XXYLT1: variants seen among roughly 807,000 people sequenced by gnomAD.
XXYLT1 encodes UDP-xylose:alpha-xyloside alpha-1,3-xylosyltransferase.
In XXYLT1, 20 loss-of-function variants were observed where a neutral mutation model predicts 28.9. That is an observed-to-expected ratio of 0.69 (90% CI 0.49 to 1.00). The LOEUF (loss-of-function observed/expected upper bound fraction) is 1.00. Ranked by LOEUF, XXYLT1 falls within the 50% of genes least tolerant of loss-of-function variation. The pLI is 0.00. For synonymous variants in XXYLT1, 257 were observed against 253.8 expected, an observed-to-expected ratio of 1.01 and a Z score of -0.12; for missense variants, 542 against 560.1, an observed-to-expected ratio of 0.97 and a Z score of 0.33.
chr3:195,235,879 T>C (rs982408120), intron 1 of XXYLT1, among the ~76,000 whole-genome samples: 33 of 151,494 alleles, frequency 2.2e-4, no homozygotes, highest in African/African-American at 8.0e-4. Context: ...TCTCTCTATA[T>C]ATCTATAAAT....
intron 3 of XXYLT1, among the ~76,000 whole-genome samples, chr3:195,086,721 T>C (rs866733641): frequency 6.6e-6 from 1 of 151,792 alleles, no homozygotes; most frequent in African/African-American, 2.4e-5. Flanking sequence ...GAGGATGCTT[T>C]GGTGATGGGG....
chr3:195,142,214 G>C (rs528198783), intron 3 of XXYLT1, among the ~76,000 whole-genome samples: 18 of 152,314 alleles, frequency 1.2e-4, no homozygotes, highest in Non-Finnish European at 5.9e-5. Flanking sequence ...GGTCACACTT[G>C]TTGTCCTAGT....
intron 2 of XXYLT1, among the ~76,000 whole-genome samples, chr3:195,225,089 T>C (rs61422283): frequency 0.023 from 3,575 of 152,286 alleles, 115 homozygotes; most frequent in African/African-American, 0.076. Flanking sequence ...AAAGGCTGTA[T>C]AACCCTGGGC....
At chr3:195,234,183 C>T (rs558985630) in intron 1 of XXYLT1, among the ~76,000 whole-genome samples, 146 of 151,906 alleles carry the variant, frequency 9.6e-4, no homozygotes, top group African/African-American at 2.6e-3. Flanking sequence ...TCCCAAAGTG[C>T]TGGGATTACA....
intron 3 of XXYLT1, among the ~76,000 whole-genome samples, chr3:195,084,540 G>A (rs1022784969): frequency 9.9e-5 from 15 of 152,214 alleles, no homozygotes; most frequent in African/African-American, 3.6e-4. Flanking sequence ...CAGCCTCAGT[G>A]TAATGTATTT....
At chr3:195,174,091 C>A (rs1161875163) in intron 2 of XXYLT1, among the ~76,000 whole-genome samples, 1 of 152,190 alleles carries the variant, frequency 6.6e-6, no homozygotes, top group Non-Finnish European at 1.5e-5. Flanking sequence ...GGCTGTAGAT[C>A]ATTTCATTGG....
intron 1 of XXYLT1, among the ~76,000 whole-genome samples, chr3:195,246,060 C>T (rs1388971578): frequency 6.6e-6 from 1 of 152,258 alleles, no homozygotes; most frequent in Non-Finnish European, 1.5e-5. Context: ...ACCACACACA[C>T]ACCTGCTGAT....
At chr3:195,247,622 G>T in intron 1 of XXYLT1, 1 of 539,394 alleles carries the variant, frequency 1.9e-6, no homozygotes, top group Non-Finnish European at 3.3e-6. Flanking sequence ...AGCCCAAGGG[G>T]GAGAGCCATG....
rs1251855807 is a variant in XXYLT1 at position 195,173,032 on chromosome 3, C to T, written c.653-16451G>A. On this transcript the variant is annotated intron_variant, in intron 2 of 3. Coordinates refer to ENST00000310380, the MANE Select transcript of XXYLT1 (RefSeq NM_152531.5). The surrounding 1 kb of genome is among the most constrained non-coding windows in gnomAD (Gnocchi z 4.3). ...ATTAGAGAGGAGTGGTTTGGCAGCC[C>T]CCCGGGGCTGATCGACACCCCTACT... 6.6e-6 allele frequency among the ~76,000 whole-genome samples: 1 copy of T among 152,120 alleles called. No individual in the cohort carries two copies. Among genetic ancestry groups the T allele is most frequent in the African/African-American group, 2.4e-5 (1 of 41,426 alleles).
At chr3:195,185,862 C>A (rs1322410257) in intron 2 of XXYLT1, among the ~76,000 whole-genome samples, 1 of 152,176 alleles carries the variant, frequency 6.6e-6, no homozygotes, top group Non-Finnish European at 1.5e-5. Context: ...AGAGGCCTCT[C>A]CCTTCCCTTT....
chr3:195,199,231 C>G (rs6788143), intron 2 of XXYLT1, among the ~76,000 whole-genome samples: 1 of 151,996 alleles, frequency 6.6e-6, no homozygotes, highest in Non-Finnish European at 1.5e-5. Context: ...GCCACCGGCT[C>G]GAGGTTCCCA....
At chr3:195,229,267 G>A (rs544219851) in intron 1 of XXYLT1, among the ~76,000 whole-genome samples, 62 of 151,532 alleles carry the variant, frequency 4.1e-4, no homozygotes, top group African/African-American at 1.3e-3. Flanking sequence ...AATTTTTGTG[G>A]ATAGAGTATG....
At chr3:195,084,489 C>T (rs868168616) in intron 3 of XXYLT1, among the ~76,000 whole-genome samples, 3 of 152,186 alleles carry the variant, frequency 2.0e-5, no homozygotes, top group Admixed American at 6.5e-5. Flanking sequence ...CTCGCTAGGG[C>T]ACCACAAGAC....
chr3:195,231,123 T>C (rs1437516486), intron 1 of XXYLT1, among the ~76,000 whole-genome samples: 1 of 152,200 alleles, frequency 6.6e-6, no homozygotes, highest in Non-Finnish European at 1.5e-5. Flanking sequence ...GGTATTTTAT[T>C]TGTAGCAATT....
chr3:195,200,841 C>T (rs930579104), intron 2 of XXYLT1, among the ~76,000 whole-genome samples: 10 of 152,142 alleles, frequency 6.6e-5, no homozygotes, highest in East Asian at 1.9e-4. Context: ...CAGGAGCTCA[C>T]GGGTCCGCTG....
chr3:195,132,269 G>T (rs1045746588), intron 3 of XXYLT1, among the ~76,000 whole-genome samples: 2 of 152,116 alleles, frequency 1.3e-5, no homozygotes, highest in African/African-American at 4.8e-5. Flanking sequence ...ACATTCCAAT[G>T]CTCCAGCCTG....
chr3:195,175,712 G>A (rs1404273264), intron 2 of XXYLT1: 2 of 1,535,998 alleles, frequency 1.3e-6, no homozygotes, highest in East Asian at 2.4e-5. Flanking sequence ...CAGAAGTGCT[G>A]TGTGCAACTC....
chr3:195,134,854 TGTGTGTGTGTGTGTGC>T (rs1254446565), intron 3 of XXYLT1, among the ~76,000 whole-genome samples: 7 of 128,428 alleles, frequency 5.5e-5, no homozygotes, highest in African/African-American at 1.9e-4. Context: ...TGTGTGTGTG[TGTGTGTGTGTGTGTGC>T]GTGTGCGCGC....
At chr3:195,074,680 G>C (rs2108639203) in intron 3 of XXYLT1, among the ~76,000 whole-genome samples, 1 of 152,306 alleles carries the variant, frequency 6.6e-6, no homozygotes, top group African/African-American at 2.4e-5. Flanking sequence ...GCTAATTTCA[G>C]ACCCATGACC....
Sources: allele counts gnomAD v4.1 joint callset (sites outside exome capture counted in the v4.1 genomes callset), GRCh38; gene constraint gnomAD v4.1.1; non-coding constraint Gnocchi (gnomAD v3.1); transcripts MANE v1.5; gene names NCBI Gene and HGNC (gene_info 2026-07-23, HGNC 2026-07-21).